The following TMEM170A variants were observed in gnomAD, a reference collection of about 807,000 sequenced individuals.
TMEM170A encodes the protein transmembrane protein 170A, also known as transmembrane protein 170.
In TMEM170A, 18 loss-of-function variants were observed where a neutral mutation model predicts 12.8. That is an observed-to-expected ratio of 1.41 (90% CI 0.97 to 2.09). TMEM170A has a LOEUF of 2.09. Ranked by LOEUF, TMEM170A falls within the 30% of genes most tolerant of loss-of-function variation. The pLI, the probability that TMEM170A is intolerant of heterozygous loss-of-function variation, is 0.00. For synonymous variants in TMEM170A, 107 were observed against 76.2 expected (o/e 1.40, Z -2.11); for missense variants, 220 against 179.9 (o/e 1.22, Z -1.28).
At position 75,446,293 on chromosome 16, in the gene TMEM170A, G is replaced by A. The variant is rs2151623679; in HGVS notation, c.*1265C>T. On this transcript the variant is annotated 3_prime_UTR_variant, in exon 3 of 3. Transcript: ENST00000561878. The stretch of plus-strand genomic sequence containing the variant: ...CATACAAAACAGTTTAGGTGGAAAG[G>A]ATCACATTAAATACTTAATTTCTGC... 1 of 152,014 alleles carries A rather than the reference G, an allele frequency of 6.6e-6. No individual in the cohort carries two copies. The highest frequency in any genetic ancestry group is 2.1e-4 in the South Asian group (1 of 4,816). 9.4% of individuals were successfully genotyped at this position (152,014 alleles called of 1,614,324 possible).
chr16:75,461,059 C>T (rs66685023), intron 1 of TMEM170A, among the ~76,000 whole-genome samples: 35,693 of 151,930 alleles, frequency 0.23, 4,394 homozygotes, highest in Non-Finnish European at 0.26. Context: ...TACTTATACT[C>T]ATTTATTTAT....
At chr16:75,449,646 A>G (rs955036100) in intron 2 of TMEM170A, among the ~76,000 whole-genome samples, 2 of 152,196 alleles carry the variant, frequency 1.3e-5, no homozygotes, top group African/African-American at 4.8e-5. Flanking sequence ...GTGAAGGTAT[A>G]TTAACATATT....
At chr16:75,460,708 C>A (rs1390974965) in intron 1 of TMEM170A, among the ~76,000 whole-genome samples, 1 of 152,162 alleles carries the variant, frequency 6.6e-6, no homozygotes, top group Non-Finnish European at 1.5e-5. Context: ...GAAAGTTCCA[C>A]GTGGGAAGGG....
chr16:75,449,463 C>A (rs961476092), intron 2 of TMEM170A, among the ~76,000 whole-genome samples: 1 of 151,872 alleles, frequency 6.6e-6, no homozygotes, highest in Non-Finnish European at 1.5e-5. Flanking sequence ...TACAGGCACA[C>A]GCCACCACAC....
chr16:75,445,081 T>C lies in TMEM170A; in HGVS notation c.*2477A>G, dbSNP rs2079561012. On this transcript the variant is annotated 3_prime_UTR_variant, in exon 3 of 3. Coordinates refer to ENST00000561878, the MANE Select transcript of TMEM170A (RefSeq NM_145254.3). ...CATCCTTCAGTAGAGATGATGGCAA[T>C]CATTTCCCATAAGAAAAGTTACCAA... 6.6e-6 allele frequency: 1 copy of C among 152,206 alleles called. No individual in the cohort carries two copies. Among genetic ancestry groups the C allele is most frequent in the Non-Finnish European group, 1.5e-5 (1 of 68,028 alleles). 9.4% of individuals were successfully genotyped at this position (152,206 alleles called of 1,614,324 possible). A position where few individuals can be genotyped will look rare whatever the true frequency, so the allele number is the denominator to read the frequency against.
rs370874461 is a variant in TMEM170A, at chr16:75,443,588, C to A, written c.*3970G>T. 2.6e-5 allele frequency: 4 copies of A among 151,908 alleles called. No homozygotes were observed. The East Asian group carries it at 5.8e-4, about 22-fold the overall frequency. 9.4% of individuals were successfully genotyped at this position (151,908 alleles called of 1,614,324 possible). On this transcript the variant is annotated 3_prime_UTR_variant, in exon 3 of 3. Coordinates refer to ENST00000561878, the MANE Select transcript of TMEM170A (RefSeq NM_145254.3). ...CCAGAAAGGATACTGGAGGCAAAAG[C>A]CAAAATACAATTTAAAATCTTAAAA...
intron 1 of TMEM170A, among the ~76,000 whole-genome samples, chr16:75,461,323 G>A (rs552289689): frequency 6.6e-6 from 1 of 152,242 alleles, no homozygotes; most frequent in African/African-American, 2.4e-5. Context: ...CAAAGTGCTG[G>A]GATTACAGGC....
At chr16:75,459,340 T>A (rs1324590659) in intron 1 of TMEM170A, among the ~76,000 whole-genome samples, 1 of 152,006 alleles carries the variant, frequency 6.6e-6, no homozygotes, top group Non-Finnish European at 1.5e-5. Flanking sequence ...CACAGCAGAG[T>A]CACCTAACTC....
Position 75,455,468 on chromosome 16 carries a change from G to C in TMEM170A, c.134-3629C>G, listed in dbSNP as rs72787192. On this transcript the variant is annotated intron_variant, in intron 1 of 2. Coordinates refer to ENST00000561878, the MANE Select transcript of TMEM170A (RefSeq NM_145254.3). ...GCATGTAGAATAAGATCCTGTTTTT[G>C]AGAAAACAAACACAATAAACACTCA... Among the ~76,000 whole-genome samples the C allele has an allele frequency of 7.7e-3, 1,177 of 151,954 alleles. 8 individuals carry two copies. Among genetic ancestry groups the C allele is most frequent in the Non-Finnish European group, 0.012 (833 of 67,970 alleles).
chr16:75,448,624 TGTG>T (rs1430073960), intron 2 of TMEM170A, among the ~76,000 whole-genome samples: 2 of 151,462 alleles, frequency 1.3e-5, no homozygotes, highest in Non-Finnish European at 2.9e-5. Flanking sequence ...ATCAGCCAAG[TGTG>T]GTGGCACGTG....
chr16:75,451,029 T>A (rs1444239534), intron 2 of TMEM170A, among the ~76,000 whole-genome samples: 1 of 152,086 alleles, frequency 6.6e-6, no homozygotes, highest in Non-Finnish European at 1.5e-5. Flanking sequence ...GTGGAAGTAA[T>A]TCACCAACCA....
intron 2 of TMEM170A, among the ~76,000 whole-genome samples, chr16:75,448,080 G>A (rs932595723): frequency 6.6e-6 from 1 of 152,126 alleles, no homozygotes; most frequent in East Asian, 1.9e-4. Flanking sequence ...TACATTTTTG[G>A]TAACAAATGA....
chr16:75,464,604 G>A lies in TMEM170A; in HGVS notation c.-4C>T, dbSNP rs771269904. 2.5e-6 allele frequency: 4 copies of A among 1,582,356 alleles called. 1 individual carries two copies. In the Middle Eastern group the frequency reaches 6.8e-4, roughly 267 times the overall value. On this transcript the variant is annotated 5_prime_UTR_variant, in exon 1 of 3. In the 5' UTR this introduces an upstream ATG that the reference lacks. Coordinates refer to ENST00000561878, the MANE Select transcript of TMEM170A (RefSeq NM_145254.3). ...CGCCGCTCCCCTCGCGCTCCATCCCGTCGCCATTCACCACAGAGAAATGAG... is the reference window on the plus strand; with the variant it reads ...CGCCGCTCCCCTCGCGCTCCATCCCATCGCCATTCACCACAGAGAAATGAG...
Position 75,447,384 on chromosome 16 carries a change from C to G in TMEM170A, c.*174G>C. The G allele has an allele frequency of 6.5e-6, 4 of 613,666 alleles. No individual in the cohort carries two copies. Among genetic ancestry groups the G allele is most frequent in the Non-Finnish European group, 9.8e-6 (4 of 409,224 alleles). 38.0% of individuals were successfully genotyped at this position (613,666 alleles called of 1,614,324 possible). The stretch of plus-strand genomic sequence containing the variant: ...GAGAACAATAGGAGTCCACATAAGT[C>G]TTCAATTCTAGGAGCTTCAAAATGA... On this transcript the variant is annotated 3_prime_UTR_variant, in exon 3 of 3. Coordinates refer to ENST00000561878, the MANE Select transcript of TMEM170A (RefSeq NM_145254.3).
At chr16:75,458,898 T>C (rs1173916402) in intron 1 of TMEM170A, 1 of 152,098 alleles carries the variant, frequency 6.6e-6, no homozygotes, top group Non-Finnish European at 1.5e-5. Context: ...GACATATCTT[T>C]TTTTTTCTTT....
intron 1 of TMEM170A, among the ~76,000 whole-genome samples, chr16:75,462,444 G>C (rs962061010): frequency 6.6e-6 from 1 of 152,170 alleles, no homozygotes; most frequent in Non-Finnish European, 1.5e-5. Flanking sequence ...CCTGACTTCA[G>C]GTGATACGCC....
chr16:75,449,352 G>A (rs945192817), intron 2 of TMEM170A, among the ~76,000 whole-genome samples: 1 of 146,710 alleles, frequency 6.8e-6, no homozygotes, highest in African/African-American at 2.5e-5. Flanking sequence ...TTTTGAGACA[G>A]TGTCTCACTC....
chr16:75,449,083 T>C (rs1299792551), intron 2 of TMEM170A, among the ~76,000 whole-genome samples: 1 of 151,636 alleles, frequency 6.6e-6, no homozygotes, highest in Non-Finnish European at 1.5e-5. Context: ...AATAAATAAA[T>C]AATAAAAATT....
At chr16:75,447,920 C>G (rs891963494) in intron 2 of TMEM170A, among the ~76,000 whole-genome samples, 2 of 152,142 alleles carry the variant, frequency 1.3e-5, no homozygotes, top group African/African-American at 4.8e-5. Context: ...CCTTAAAACC[C>G]AGAGTCTCCT....
Sources: allele counts gnomAD v4.1 joint callset (sites outside exome capture counted in the v4.1 genomes callset), GRCh38; gene constraint gnomAD v4.1.1; transcripts MANE v1.5; gene names NCBI Gene and HGNC (gene_info 2026-07-23, HGNC 2026-07-21).